Variants in HDAC4 observed in about 807,000 individuals in gnomAD.
HDAC4 encodes histone deacetylase A.
HDAC4 carries 16 observed loss-of-function variants against 135.1 expected under a neutral mutation model. The ratio of observed to expected loss-of-function variants is 0.12; its 90% CI spans 0.08 to 0.18. The LOEUF (loss-of-function observed/expected upper bound fraction) is 0.18. HDAC4 is among the 10% of genes least tolerant of loss of function. The probability of loss-of-function intolerance (pLI) is 1.00; values close to 1 mark genes in which losing one functional copy is unlikely to be tolerated. For missense variants in HDAC4, 1,143 were observed against 1,511.8 expected (o/e 0.76, Z 4.05); for synonymous variants, 685 against 653.4 (o/e 1.05, Z -0.74).
At chr2:239,128,713 C>G (rs573402351) in intron 11 of HDAC4, among the ~76,000 whole-genome samples, 1 of 152,344 alleles carries the variant, frequency 6.6e-6, no homozygotes, top group Non-Finnish European at 1.5e-5. Flanking sequence ...ACCTGAAATA[C>G]ATTTTCCTTA....
chr2:239,375,605 C>T (rs560780843), intron 1 of HDAC4, among the ~76,000 whole-genome samples: 1 of 152,374 alleles, frequency 6.6e-6, no homozygotes, highest in South Asian at 2.1e-4. Context: ...ACGGACGCTA[C>T]AGGCCATCAC....
At chr2:239,097,072 G>T (rs747300770) in intron 16 of HDAC4, among the ~76,000 whole-genome samples, 1 of 152,226 alleles carries the variant, frequency 6.6e-6, no homozygotes, top group Admixed American at 6.5e-5. Flanking sequence ...GCCAGCTGAG[G>T]GGCGCAGGCG....
At chr2:239,260,222 A>G (rs1178916140) in intron 2 of HDAC4, among the ~76,000 whole-genome samples, 1 of 152,178 alleles carries the variant, frequency 6.6e-6, no homozygotes, top group Non-Finnish European at 1.5e-5. Context: ...TCTTGCACAC[A>G]CGCACACACA....
chr2:239,273,443 T>C (rs953691997), intron 2 of HDAC4, among the ~76,000 whole-genome samples: 18 of 152,236 alleles, frequency 1.2e-4, no homozygotes, highest in African/African-American at 4.8e-5. Flanking sequence ...CTTTCCTGTG[T>C]GAGCCGAAGA....
intron 25 of HDAC4, 40 bp downstream of exon 25, chr2:239,054,709 A>C: frequency 7.6e-7 from 1 of 1,313,488 alleles, no homozygotes; most frequent in Non-Finnish European, 1.1e-6. Context: ...TCCCACCCCC[A>C]GGGGCGTGTC....
At chr2:239,278,452 G>T (rs1559318472) in intron 2 of HDAC4, among the ~76,000 whole-genome samples, 1 of 152,268 alleles carries the variant, frequency 6.6e-6, no homozygotes. Flanking sequence ...GAGGCAGGCA[G>T]ATTGCTTGAG....
At chr2:239,090,412 T>C (rs1241764269) in intron 17 of HDAC4, among the ~76,000 whole-genome samples, 1 of 150,538 alleles carries the variant, frequency 6.6e-6, no homozygotes, top group African/African-American at 2.4e-5. Flanking sequence ...AAAGTAATGA[T>C]GTCAAGGTGA....
intron 15 of HDAC4, among the ~76,000 whole-genome samples, chr2:239,105,935 G>A (rs552404344): frequency 3.9e-5 from 6 of 152,338 alleles, no homozygotes; most frequent in South Asian, 4.1e-4. Flanking sequence ...ACCTGGAGGG[G>A]CACCCGCACT....
At chr2:239,166,545 TCACTTAGAAG>T (rs2043134341) in intron 5 of HDAC4, among the ~76,000 whole-genome samples, 1 of 152,180 alleles carries the variant, frequency 6.6e-6, no homozygotes, top group South Asian at 2.1e-4. Context: ...GACTCGAACA[TCACTTAGAAG>T]CACTTTTAGC....
At chr2:239,340,343 A>T (rs1393399559) in intron 2 of HDAC4, among the ~76,000 whole-genome samples, 2 of 152,174 alleles carry the variant, frequency 1.3e-5, no homozygotes, top group Non-Finnish European at 2.9e-5. Context: ...TCACAGATAG[A>T]TGTGAAGGCA....
intron 6 of HDAC4, among the ~76,000 whole-genome samples, chr2:239,162,862 C>T (rs1046974430): frequency 1.3e-5 from 2 of 152,138 alleles, no homozygotes; most frequent in Non-Finnish European, 2.9e-5. Context: ...GGGGGGGTCT[C>T]ACTACACATA....
chr2:239,155,695 A>G (rs1222880061), intron 7 of HDAC4: 1 of 152,284 alleles, frequency 6.6e-6, no homozygotes, highest in Non-Finnish European at 1.5e-5. Context: ...TTCCGCCCAG[A>G]ACTGGCCAAA....
Position 239,095,063 on chromosome 2 carries a change from G to T in HDAC4, c.2234-7C>A, listed in dbSNP as rs201372508. On this transcript the variant is annotated splice_region_variant and splice_polypyrimidine_tract_variant and intron_variant, in intron 16 of 26. Coordinates refer to ENST00000543185, the MANE Select transcript of HDAC4 (RefSeq NM_001378414.1). ...AACACGGAGGCGAGCGAGCCTGTGG[G>T]GGGGAGGGAGACGGTCAGAGAGGCC... 2.9e-5 allele frequency: 46 copies of T among 1,613,718 alleles called. No individual in the cohort carries two copies. Among genetic ancestry groups the T allele is most frequent in the South Asian group, 1.1e-5 (1 of 91,094 alleles).
intron 2 of HDAC4, among the ~76,000 whole-genome samples, chr2:239,276,079 G>C (rs1048138262): frequency 6.6e-6 from 1 of 152,182 alleles, no homozygotes; most frequent in Non-Finnish European, 1.5e-5. Flanking sequence ...CAAAGAACCA[G>C]TGTTCCTCCA....
At position 239,210,220 on chromosome 2, in the gene HDAC4, A is replaced by G. The variant is rs73098724; in HGVS notation, c.95-20143T>C. On this transcript the variant is annotated intron_variant, in intron 3 of 26. Transcript: ENST00000543185. The stretch of plus-strand genomic sequence containing the variant: ...CAGAGCAACAGATAAACAGTGGAAT[A>G]TTGAGAGTGTAGAATTGTATCTGGC... 4.7e-3 allele frequency among the ~76,000 whole-genome samples: 721 copies of G among 152,318 alleles called. 2 individuals carry two copies. Among genetic ancestry groups the G allele is most frequent in the Middle Eastern group, 0.014 (4 of 294 alleles).
At chr2:239,165,663 G>T (rs115088529) in intron 5 of HDAC4, among the ~76,000 whole-genome samples, 32 of 152,322 alleles carry the variant, frequency 2.1e-4, no homozygotes, top group Non-Finnish European at 4.4e-4. Flanking sequence ...GGCCAGGTGC[G>T]CCTCAGGTGA....
chr2:239,058,750 A>G (rs2032240877), intron 24 of HDAC4, among the ~76,000 whole-genome samples: 1 of 152,380 alleles, frequency 6.6e-6, no homozygotes, highest in South Asian at 2.1e-4. Flanking sequence ...TGGAAAGAAG[A>G]CAAGAATATG....
At chr2:239,321,142 T>C (rs2053293691) in intron 2 of HDAC4, among the ~76,000 whole-genome samples, 1 of 152,092 alleles carries the variant, frequency 6.6e-6, no homozygotes, top group Non-Finnish European at 1.5e-5. Context: ...CTCTTGCAGG[T>C]TCTAAAATCA....
In HDAC4 at chr2:239,061,431, G is replaced by A. The variant is rs536454657; in HGVS notation, c.3003+5291C>T. The stretch of plus-strand genomic sequence containing the variant: ...ACAAGAGGGTGTGTGGTGTGTGCAC[G>A]TGTGACTGGTGCCTGTGTGGGTGTG... On this transcript the variant is annotated intron_variant, in intron 24 of 26. Coordinates refer to ENST00000543185, the MANE Select transcript of HDAC4 (RefSeq NM_001378414.1). Among the ~76,000 whole-genome samples, 14 of 151,916 alleles carry A rather than the reference G, an allele frequency of 9.2e-5. No individual in the cohort carries two copies. In the East Asian group the frequency reaches 1.6e-3, roughly 17 times the overall value.
Sources: gnomAD v4.1 joint callset for allele counts (sites outside exome capture counted in the v4.1 genomes callset) on GRCh38, gnomAD v4.1.1 for gene constraint, MANE v1.5 for transcripts, NCBI Gene and HGNC (gene_info 2026-07-23, HGNC 2026-07-21) for gene names.